ZNF121: variants seen among roughly 807,000 people sequenced by gnomAD.
The protein encoded by ZNF121 is zinc finger protein 121 (clone ZHC32).
A neutral mutation model predicts 2.4 loss-of-function variants in ZNF121; 1 was observed. That is an observed-to-expected ratio of 0.41 (90% CI 0.15 to 1.94). The LOEUF (loss-of-function observed/expected upper bound fraction) is 1.94. ZNF121 is among the 30% of genes most tolerant of loss of function. The pLI, the probability that ZNF121 is intolerant of heterozygous loss-of-function variation, is 0.30. For missense variants in ZNF121, 369 were observed against 466.3 expected, an observed-to-expected ratio of 0.79 and a Z score of 1.92; for synonymous variants, 173 against 158.6, an observed-to-expected ratio of 1.09 and a Z score of -0.68.
chr19:9,580,288 C>T lies in ZNF121; in HGVS notation c.-160+4173G>A, dbSNP rs187262305. On this transcript the variant is annotated intron_variant, in intron 1 of 3. Coordinates refer to ENST00000320451, the MANE Select transcript of ZNF121 (RefSeq NM_001008727.5). ...GCCTGGGTGACAGAGAAAAACTAGTCTCAAAAAGAAAAAAAGAAAAAAAAA... is the reference window on the plus strand; with the variant it reads ...GCCTGGGTGACAGAGAAAAACTAGTTTCAAAAAGAAAAAAAGAAAAAAAAA... Among the ~76,000 whole-genome samples, 383 of 148,738 alleles carry T rather than the reference C, an allele frequency of 2.6e-3. 3 individuals are homozygous for T. Among genetic ancestry groups the T allele is most frequent in the African/African-American group, 9.2e-3 (373 of 40,406 alleles).
chr19:9,562,472 A>G lies in ZNF121; in HGVS notation c.*3468T>C, dbSNP rs993963417. The G allele has an allele frequency of 4.4e-6, 1 of 229,470 alleles. No individual in the cohort carries two copies. Among genetic ancestry groups the G allele is most frequent in the Admixed American group, 4.6e-5 (1 of 21,624 alleles). The allele number at this position is 229,470 out of a possible 1,614,324, so 14.2% of individuals were successfully genotyped here. A position where few individuals can be genotyped will look rare whatever the true frequency, so the allele number is the denominator to read the frequency against. On this transcript the variant is annotated 3_prime_UTR_variant, in exon 4 of 4. Transcript: ENST00000320451. ...AGCCACCGTGCCCGGCTGCTCTGTG[A>G]TCTTTGATGTTCCTATTTTAATTGT...
At chr19:9,568,005 C>A in intron 3 of ZNF121, 90 bp downstream of exon 3, 1 of 1,363,988 alleles carries the variant, frequency 7.3e-7, no homozygotes, top group South Asian at 1.4e-5. Flanking sequence ...TAAATGTTAC[C>A]TCTCTCAAAT....
chr19:9,580,283 C>G (rs1419231326), intron 1 of ZNF121, among the ~76,000 whole-genome samples: 2 of 150,970 alleles, frequency 1.3e-5, no homozygotes, highest in Admixed American at 1.3e-4. Flanking sequence ...CAGAGAAAAA[C>G]TAGTCTCAAA....
intron 1 of ZNF121, among the ~76,000 whole-genome samples, chr19:9,578,402 A>C (rs957858473): frequency 1.1e-4 from 17 of 152,290 alleles, no homozygotes; most frequent in Admixed American, 9.2e-4. Flanking sequence ...TCAAAAAAAA[A>C]AAGAAGGAAA....
rs1352783493 is a variant in ZNF121, at chr19:9,562,045, A to C, written c.*3895T>G. Reference sequence around the variant, plus strand: ...TCCTGTGGCAATGTCATGTCGAATAAATCTATAACACCATTTTTTCCAACA... The same window carrying C: ...TCCTGTGGCAATGTCATGTCGAATACATCTATAACACCATTTTTTCCAACA... On this transcript the variant is annotated 3_prime_UTR_variant, in exon 4 of 4. Transcript: ENST00000320451. 6.6e-6 allele frequency: 1 copy of C among 152,086 alleles called. No homozygotes were observed. Among genetic ancestry groups the C allele is most frequent in the Non-Finnish European group, 1.5e-5 (1 of 68,032 alleles). The allele number at this position is 152,086 out of a possible 1,614,324, so 9.4% of individuals were successfully genotyped here. A position where few individuals can be genotyped will look rare whatever the true frequency, so the allele number is the denominator to read the frequency against.
At chr19:9,567,286 A>C (rs992039810) in intron 3 of ZNF121, among the ~76,000 whole-genome samples, 177 bp from the exon 4 acceptor site, 3 of 152,176 alleles carry the variant, frequency 2.0e-5, no homozygotes, top group Non-Finnish European at 4.4e-5. Context: ...ACTGGCAAGA[A>C]CCCTGTGCCA....
At chr19:9,579,197 ATGT>A (rs2074232289) in intron 1 of ZNF121, among the ~76,000 whole-genome samples, 1 of 152,204 alleles carries the variant, frequency 6.6e-6, no homozygotes, top group Non-Finnish European at 1.5e-5. Context: ...ACTGATGAGG[ATGT>A]GGTGAAAAGA....
chr19:9,575,201 C>T (rs2074201817), intron 1 of ZNF121, among the ~76,000 whole-genome samples: 1 of 152,170 alleles, frequency 6.6e-6, no homozygotes, highest in Non-Finnish European at 1.5e-5. Context: ...GGGCGGATCA[C>T]CTGACATCAC....
rs1356075873 is a variant in ZNF121 at position 9,565,139 on chromosome 19, C to T, written c.*801G>A. On this transcript the variant is annotated 3_prime_UTR_variant, in exon 4 of 4. Transcript: ENST00000320451. The stretch of plus-strand genomic sequence containing the variant: ...TTCACTTTATAGTGGTAGTCTGGAA[C>T]AAAACTCACAATATCTACAGGGCAT... 6.6e-6 allele frequency: 1 copy of T among 151,848 alleles called. No homozygotes were observed. Among genetic ancestry groups the T allele is most frequent in the Non-Finnish European group, 1.5e-5 (1 of 67,990 alleles). 9.4% of individuals were successfully genotyped at this position (151,848 alleles called of 1,614,324 possible). A position where few individuals can be genotyped will look rare whatever the true frequency, so the allele number is the denominator to read the frequency against.
At chr19:9,581,129 A>G (rs1656335556) in intron 1 of ZNF121, among the ~76,000 whole-genome samples, 1 of 152,060 alleles carries the variant, frequency 6.6e-6, no homozygotes, top group Non-Finnish European at 1.5e-5. Flanking sequence ...ATGACTTTCT[A>G]AGAGAATGAG....
In ZNF121 at chr19:9,562,874, G is replaced by C. The variant is rs1398246939; in HGVS notation, c.*3066C>G. Reference sequence around the variant, plus strand: ...CAAGATCAGCCGGGTAAACAGTAAAGTCCTGCCTCTTTAAAAAAAAAAAAA... The same window carrying C: ...CAAGATCAGCCGGGTAAACAGTAAACTCCTGCCTCTTTAAAAAAAAAAAAA... On this transcript the variant is annotated 3_prime_UTR_variant, in exon 4 of 4. Coordinates refer to ENST00000320451, the MANE Select transcript of ZNF121 (RefSeq NM_001008727.5). 8.6e-6 allele frequency: 1 copy of C among 116,652 alleles called. No individual in the cohort carries two copies. Among genetic ancestry groups the C allele is most frequent in the African/African-American group, 3.2e-5 (1 of 31,092 alleles). The allele number at this position is 116,652 out of a possible 1,614,324, so 7.2% of individuals were successfully genotyped here.
chr19:9,563,636 G>C lies in ZNF121; in HGVS notation c.*2304C>G, dbSNP rs2074113312. On this transcript the variant is annotated 3_prime_UTR_variant, in exon 4 of 4. Transcript: ENST00000320451. ...GACAGCGTCACGCTCTGTTGTGCTG[G>C]CTGGTCTTGAACTCTTGACCTCAAG... 1 of 152,210 alleles carries C rather than the reference G, an allele frequency of 6.6e-6. No individual in the cohort carries two copies. The highest frequency in any genetic ancestry group is 6.5e-5 in the Admixed American group (1 of 15,278). The allele number at this position is 152,210 out of a possible 1,614,324, so 9.4% of individuals were successfully genotyped here. A position where few individuals can be genotyped will look rare whatever the true frequency, so the allele number is the denominator to read the frequency against.
At chr19:9,579,480 T>C (rs943421440) in intron 1 of ZNF121, among the ~76,000 whole-genome samples, 1 of 152,098 alleles carries the variant, frequency 6.6e-6, no homozygotes, top group Admixed American at 6.5e-5. Context: ...AGGTCAGGAG[T>C]TCGAGACCAG....
chr19:9,566,745 C>A lies in ZNF121; in HGVS notation c.368G>T (p.Arg123Ile). ...ETLYEQKQCG[R>I]AFTYSTSHAV... is the part of the protein sequence containing the mutation. Reference sequence around the variant, plus strand: ...ATGGCTTGTGGAGTAAGTAAAAGCTCTCCCACATTGCTTCTGTTCATAGAG... The same window carrying A: ...ATGGCTTGTGGAGTAAGTAAAAGCTATCCCACATTGCTTCTGTTCATAGAG... The change falls in exon 4 of 4, where the codon AGA becomes ATA. Residue 123 changes from arginine (R) to isoleucine (I), a missense_variant. Physicochemically the swap from Arg to Ile is moderately conservative, Grantham distance 97. Around this residue, in one of 4 missense-constraint regions of ZNF121, gnomAD observed 168 missense variants for 162.3 expected, o/e 1.03. Transcript: ENST00000320451. 1 of 1,614,172 alleles carries A rather than the reference C, an allele frequency of 6.2e-7. No homozygotes were observed. Among genetic ancestry groups the A allele is most frequent in the Non-Finnish European group, 8.5e-7 (1 of 1,180,022 alleles).
chr19:9,581,568 G>T (rs901944396), intron 1 of ZNF121, among the ~76,000 whole-genome samples: 3 of 151,902 alleles, frequency 2.0e-5, no homozygotes, highest in African/African-American at 7.3e-5. Context: ...AAAAGGGGGG[G>T]TACTATGAAT....
intron 1 of ZNF121, among the ~76,000 whole-genome samples, chr19:9,570,364 C>G (rs1193069996): frequency 6.6e-6 from 1 of 152,168 alleles, no homozygotes; most frequent in Non-Finnish European, 1.5e-5. Flanking sequence ...GAGTGTTGCA[C>G]TGGATTTACT....
chr19:9,580,851 G>C (rs73494977), intron 1 of ZNF121, among the ~76,000 whole-genome samples: 5,204 of 152,264 alleles, frequency 0.034, 310 homozygotes, highest in African/African-American at 0.12. Context: ...CAGATTAACT[G>C]TTTCTCTTTT....
intron 1 of ZNF121, among the ~76,000 whole-genome samples, chr19:9,583,276 G>C (rs1006524907): frequency 6.6e-6 from 1 of 151,364 alleles, no homozygotes; most frequent in Non-Finnish European, 1.5e-5. Context: ...AAGCTCTGTG[G>C]GGGGGTACAG....
At chr19:9,580,783 A>T (rs928199653) in intron 1 of ZNF121, among the ~76,000 whole-genome samples, 1 of 152,218 alleles carries the variant, frequency 6.6e-6, no homozygotes, top group Non-Finnish European at 1.5e-5. Context: ...GCATACACCA[A>T]CAGAAGATGT....
Sources: gnomAD v4.1 joint callset for allele counts (sites outside exome capture counted in the v4.1 genomes callset) on GRCh38, gnomAD v4.1.1 for gene constraint, gnomAD v4.1.1 regional missense constraint, MANE v1.5 for transcripts, NCBI Gene and HGNC (gene_info 2026-07-23, HGNC 2026-07-21) for gene names.